The following WDR7 variants were observed in gnomAD, a reference collection of about 807,000 sequenced individuals.
The protein encoded by WDR7 is WD repeat-containing protein 7.
Under a neutral mutation model 169.4 loss-of-function variants are expected in WDR7, and 46 were observed. The observed-to-expected ratio is 0.27, with a 90% CI of 0.21 to 0.35. The LOEUF (loss-of-function observed/expected upper bound fraction) is 0.35, where lower values mean the gene tolerates loss of function less well. Ranked by LOEUF, WDR7 falls within the 10% of genes least tolerant of loss-of-function variation. The pLI is 1.00. For missense variants in WDR7, 1,534 were observed against 1,859.3 expected, an observed-to-expected ratio of 0.83 and a Z score of 3.22; for synonymous variants, 612 against 666.8, an observed-to-expected ratio of 0.92 and a Z score of 1.27.
chr18:56,809,597 A>AT (rs549972309), intron 19 of WDR7, among the ~76,000 whole-genome samples: 42 of 150,606 alleles, frequency 2.8e-4, no homozygotes, highest in African/African-American at 7.8e-4. Context: ...GTGGACTCTT[A>AT]TTTTTTTTTG....
chr18:57,012,258 A>G (rs2048146423), intron 26 of WDR7, among the ~76,000 whole-genome samples: 1 of 152,154 alleles, frequency 6.6e-6, no homozygotes, highest in Non-Finnish European at 1.5e-5. Context: ...CGAAGGCAGG[A>G]CTACCCTGGG....
At chr18:57,007,404 ATGAAAT>A (rs2048077213) in intron 26 of WDR7, among the ~76,000 whole-genome samples, 1 of 152,202 alleles carries the variant, frequency 6.6e-6, no homozygotes, top group African/African-American at 2.4e-5. Flanking sequence ...TGGATAACTG[ATGAAAT>A]TTAAAGTTAA....
intron 19 of WDR7, among the ~76,000 whole-genome samples, chr18:56,784,328 G>C (rs2044362446): frequency 6.6e-6 from 1 of 152,166 alleles, no homozygotes; most frequent in South Asian, 2.1e-4. Flanking sequence ...AGTGTAAGGT[G>C]GTAAAGTGTG....
intron 5 of WDR7, 126 bp from the exon 6 acceptor site, chr18:56,685,830 T>TTA: frequency 1.3e-6 from 1 of 745,198 alleles, no homozygotes; most frequent in Non-Finnish European, 2.2e-6. Context: ...AAATAGAGAA[T>TTA]TATGTTTTTC....
At position 56,820,359 on chromosome 18, in the gene WDR7, A is replaced by AAAAAAAAAAAAAAAAAC. The variant is rs1044771844; in HGVS notation, c.3304+4220_3304+4221insAAAAAAAAAAACAAAAA. On this transcript the variant is annotated intron_variant, in intron 20 of 27. Transcript: ENST00000254442. ...ATTGTCAAAAAAAAAAAAAAAAAAA[A>AAAAAAAAAAAAAAAAAC]AAAAACCACCTTGATACTAGATCAG... 2.4e-3 allele frequency among the ~76,000 whole-genome samples: 303 copies of AAAAAAAAAAAAAAAAAC among 127,318 alleles called. 2 individuals are homozygous for AAAAAAAAAAAAAAAAAC. Among genetic ancestry groups the AAAAAAAAAAAAAAAAAC allele is most frequent in the African/African-American group, 7.2e-3 (203 of 28,294 alleles). The allele number at this position is 127,318 out of a possible 152,430, so 83.5% of individuals were successfully genotyped here. A position where few individuals can be genotyped will look rare whatever the true frequency, so the allele number is the denominator to read the frequency against.
At chr18:56,993,104 A>G (rs2047841365) in intron 26 of WDR7, among the ~76,000 whole-genome samples, 1 of 152,242 alleles carries the variant, frequency 6.6e-6, no homozygotes, top group Non-Finnish European at 1.5e-5. Flanking sequence ...CAAATAGTTT[A>G]GATGAAATGG....
intron 12 of WDR7, among the ~76,000 whole-genome samples, chr18:56,703,458 A>G (rs530061128): frequency 1.3e-5 from 2 of 152,356 alleles, no homozygotes; most frequent in East Asian, 3.9e-4. Flanking sequence ...ATAGCTTAAT[A>G]TCTGAAGTCA....
intron 16 of WDR7, among the ~76,000 whole-genome samples, chr18:56,770,188 G>A (rs992587285): frequency 1.2e-4 from 18 of 152,310 alleles, no homozygotes; most frequent in Admixed American, 8.5e-4. Context: ...ATGTCTATTG[G>A]AGAAAATCCA....
chr18:56,703,505 A>G (rs2025878241), intron 12 of WDR7, among the ~76,000 whole-genome samples: 2 of 152,212 alleles, frequency 1.3e-5, no homozygotes, highest in African/African-American at 4.8e-5. Flanking sequence ...CTAAGCAAAA[A>G]CAGGAAGCAG....
intron 26 of WDR7, among the ~76,000 whole-genome samples, chr18:56,987,285 C>CAAAAA (rs74182165): frequency 1.3e-5 from 1 of 75,234 alleles, no homozygotes; most frequent in Non-Finnish European, 2.5e-5. Context: ...TCATCTGTAC[C>CAAAAA]AAAAAAAAAA....
At chr18:56,930,867 T>C (rs2046874927) in intron 22 of WDR7, among the ~76,000 whole-genome samples, 1 of 152,200 alleles carries the variant, frequency 6.6e-6, no homozygotes, top group African/African-American at 2.4e-5. Context: ...ATTCCTTAAT[T>C]TGACAGCTGA....
intron 25 of WDR7, among the ~76,000 whole-genome samples, chr18:56,950,643 A>T (rs762682164): frequency 4.6e-5 from 7 of 152,198 alleles, no homozygotes; most frequent in Non-Finnish European, 8.8e-5. Flanking sequence ...CCTTTCCTAC[A>T]ATCCAGTACC....
chr18:57,008,351 A>C (rs1421114377), intron 26 of WDR7, among the ~76,000 whole-genome samples: 1 of 152,152 alleles, frequency 6.6e-6, no homozygotes, highest in Non-Finnish European at 1.5e-5. Flanking sequence ...GACCATTCTC[A>C]TATTTAAAAA....
intron 14 of WDR7, among the ~76,000 whole-genome samples, chr18:56,746,236 G>A (rs902832145): frequency 6.6e-6 from 1 of 152,118 alleles, no homozygotes; most frequent in African/African-American, 2.4e-5. Context: ...ATCTGTTAAT[G>A]TCTTCCACTG....
At chr18:57,024,178 C>T (rs1035164682) in intron 27 of WDR7, among the ~76,000 whole-genome samples, 1 of 152,104 alleles carries the variant, frequency 6.6e-6, no homozygotes, top group Non-Finnish European at 1.5e-5. Context: ...GAATTTTCCA[C>T]AATGAGTATT....
At chr18:56,707,137 C>T (rs963232414) in intron 12 of WDR7, among the ~76,000 whole-genome samples, 1 of 152,094 alleles carries the variant, frequency 6.6e-6, no homozygotes, top group Admixed American at 6.5e-5. Flanking sequence ...CGCACCACCA[C>T]ACCCAGCTAA....
chr18:56,760,570 T>G (rs2043966349), intron 16 of WDR7, among the ~76,000 whole-genome samples: 1 of 152,216 alleles, frequency 6.6e-6, no homozygotes, highest in Non-Finnish European at 1.5e-5. Flanking sequence ...TTTATTCTCT[T>G]TTTTTGGTCA....
chr18:56,832,697 CAG>C (rs1381059369), intron 20 of WDR7, among the ~76,000 whole-genome samples: 1 of 152,184 alleles, frequency 6.6e-6, no homozygotes, highest in Non-Finnish European at 1.5e-5. Flanking sequence ...CCTGGGCAAA[CAG>C]GGTCTGGAGT....
intron 1 of WDR7, among the ~76,000 whole-genome samples, chr18:56,663,626 CATATATGCACAGCATATATACATAT>C (rs70944624): frequency 0.01 from 136 of 13,422 alleles, no homozygotes; most frequent in African/African-American, 0.012. Flanking sequence ...ATATACACCA[CATATATGCACAGCATATATACATAT>C]ATATATGCAC....
Sources: allele counts gnomAD v4.1 joint callset (sites outside exome capture counted in the v4.1 genomes callset), GRCh38; gene constraint gnomAD v4.1.1; transcripts MANE v1.5; gene names NCBI Gene and HGNC (gene_info 2026-07-23, HGNC 2026-07-21).